TYW1B: variants seen among roughly 807,000 people sequenced by gnomAD.
TYW1B encodes the protein S-adenosyl-L-methionine-dependent tRNA 4-demethylwyosine synthase TYW1B.
Under a neutral mutation model 86.9 loss-of-function variants are expected in TYW1B, and 73 were observed. The ratio of observed to expected loss-of-function variants is 0.84; its 90% CI spans 0.70 to 1.02. The LOEUF is 1.02. Among genes scored for constraint, TYW1B ranks in the 50% least tolerant of loss-of-function variants. The pLI, the probability that TYW1B is intolerant of heterozygous loss-of-function variation, is 0.00. For missense variants in TYW1B, 637 were observed against 827.4 expected (o/e 0.77, Z 2.82); for synonymous variants, 248 against 292.8 (o/e 0.85, Z 1.56).
chr7:72,594,281 AAG>A (rs1338752241), intron 13 of TYW1B, among the ~76,000 whole-genome samples: 2 of 152,074 alleles, frequency 1.3e-5, no homozygotes, highest in Non-Finnish European at 2.9e-5. Flanking sequence ...AATTTTTAAA[AAG>A]AGAGAAATAA....
At chr7:72,664,026 C>T (rs1554444870) in intron 11 of TYW1B, among the ~76,000 whole-genome samples, 4 of 152,116 alleles carry the variant, frequency 2.6e-5, no homozygotes, top group East Asian at 3.9e-4. Flanking sequence ...TTTCTACCTA[C>T]GTGTCCATGT....
chr7:72,661,160 G>T lies in TYW1B; in HGVS notation c.1507-32163C>A, dbSNP rs527854684. ...CAAAAAAAAAAAAGAAGAAGAAGAAGAATATAATGGGAGGAAAAGAATCAG... is the reference window on the plus strand; with the variant it reads ...CAAAAAAAAAAAAGAAGAAGAAGAATAATATAATGGGAGGAAAAGAATCAG... On this transcript the variant is annotated intron_variant, in intron 11 of 13. Coordinates refer to ENST00000620995, the MANE Select transcript of TYW1B (RefSeq NM_001145440.3). Among the ~76,000 whole-genome samples the T allele has an allele frequency of 7.0e-4, 101 of 143,432 alleles. 1 individual carries two copies. The South Asian group carries it at 0.02, about 29-fold the overall frequency. The allele number at this position is 143,432 out of a possible 152,430, so 94.1% of individuals were successfully genotyped here. A position where few individuals can be genotyped will look rare whatever the true frequency, so the allele number is the denominator to read the frequency against.
chr7:72,634,577 C>T (rs1344334073), intron 11 of TYW1B, among the ~76,000 whole-genome samples: 1 of 150,372 alleles, frequency 6.7e-6, no homozygotes, highest in Non-Finnish European at 1.5e-5. Flanking sequence ...TGTATACATT[C>T]GACCTTAGCA....
chr7:72,724,857 G>A (rs34829967), intron 9 of TYW1B, among the ~76,000 whole-genome samples: 15 of 152,246 alleles, frequency 9.9e-5, no homozygotes, highest in African/African-American at 2.9e-4. Context: ...CATTCCTTCC[G>A]TCTTATGCAT....
intron 13 of TYW1B, among the ~76,000 whole-genome samples, chr7:72,593,819 C>CT (rs1381136312): frequency 1.1e-4 from 6 of 55,672 alleles, no homozygotes; most frequent in East Asian, 5.9e-4. Context: ...CAGACTCCAT[C>CT]TAAAAAAAAA....
At position 72,606,304 on chromosome 7, in the gene TYW1B, A is replaced by G. The variant is rs1388178933; in HGVS notation, c.1785+10368T>C. Among the ~76,000 whole-genome samples, 3 of 152,194 alleles carry G rather than the reference A, an allele frequency of 2.0e-5. No individual in the cohort carries two copies. In the East Asian group the frequency reaches 5.8e-4, roughly 29 times the overall value. On this transcript the variant is annotated intron_variant, in intron 13 of 13. Coordinates refer to ENST00000620995, the MANE Select transcript of TYW1B (RefSeq NM_001145440.3). ...GACAATAACCAACCTAGGCCATGAG[A>G]AAAACGGGCCTCATTCCCATCCGGT...
At chr7:72,593,102 A>AGACCAGCCTGACCAT (rs1554431812) in intron 13 of TYW1B, among the ~76,000 whole-genome samples, 3 of 151,594 alleles carry the variant, frequency 2.0e-5, no homozygotes, top group Non-Finnish European at 4.4e-5. Context: ...CCCGAGTTCA[A>AGACCAGCCTGACCAT]GACCAGCCTG....
chr7:72,717,694 CTCTT>C (rs1203913902), intron 9 of TYW1B, among the ~76,000 whole-genome samples: 4 of 152,040 alleles, frequency 2.6e-5, no homozygotes, highest in Admixed American at 2.0e-4. Context: ...TTCTCTCTCT[CTCTT>C]CCTCCTACAC....
chr7:72,827,240 T>C lies in TYW1B; in HGVS notation c.5-255A>G, dbSNP rs1460045266. Among the ~76,000 whole-genome samples, 25 of 152,086 alleles carry C rather than the reference T, an allele frequency of 1.6e-4. No individual in the cohort carries two copies. The East Asian group carries it at 2.1e-3, about 13-fold the overall frequency. Reference sequence around the variant, plus strand: ...CTGGCCAACATGGTGAAACCCCGCCTCTACTAAAAATACAAAAATTAGCCG... The same window carrying C: ...CTGGCCAACATGGTGAAACCCCGCCCCTACTAAAAATACAAAAATTAGCCG... On this transcript the variant is annotated intron_variant, in intron 1 of 13. Coordinates refer to ENST00000620995, the MANE Select transcript of TYW1B (RefSeq NM_001145440.3).
rs1254381342 is a variant in TYW1B, at chr7:72,810,439, G to A, written c.432+32C>T. On this transcript the variant is annotated intron_variant, in intron 4 of 13. Coordinates refer to ENST00000620995, the MANE Select transcript of TYW1B (RefSeq NM_001145440.3). ...GCGTGTGTGTGTGTGTTTATGGGGA[G>A]AATTTATTCCTATAATTCAATATAG... 8 of 1,580,760 alleles carry A rather than the reference G, an allele frequency of 5.1e-6. No homozygotes were observed. The African/African-American group carries it at 1.1e-4, about 21-fold the overall frequency.
chr7:72,769,113 G>T, intron 7 of TYW1B: 1 of 401,132 alleles, frequency 2.5e-6, no homozygotes, highest in Non-Finnish European at 4.5e-6. Flanking sequence ...AGTTTGGCAT[G>T]GTAAGCGAGG....
intron 11 of TYW1B, among the ~76,000 whole-genome samples, chr7:72,663,761 C>CAA (rs1177247717): frequency 0.031 from 1,742 of 56,986 alleles, 114 homozygotes; most frequent in African/African-American, 0.063. Context: ...GACTCCATCT[C>CAA]AAAAAAAAAA....
In TYW1B at chr7:72,802,567, G is replaced by T. The variant is rs375921221; in HGVS notation, c.724-45C>A. 5.5e-5 allele frequency: 89 copies of T among 1,605,414 alleles called. No homozygotes were observed. The African/African-American group carries it at 1.0e-3, about 19-fold the overall frequency. On this transcript the variant is annotated intron_variant, in intron 5 of 13. Coordinates refer to ENST00000620995, the MANE Select transcript of TYW1B (RefSeq NM_001145440.3). ...GAAATACATTGTTCAAAGGGGCAAA[G>T]GCAAAGTTCTCTCACCCTCCCTCCC...
intron 9 of TYW1B, among the ~76,000 whole-genome samples, chr7:72,718,717 T>C (rs1450721067): frequency 6.6e-6 from 1 of 152,264 alleles, no homozygotes; most frequent in East Asian, 1.9e-4. Context: ...GCTCATTCTA[T>C]GTTGCCAAGA....
chr7:72,824,646 C>G (rs1788896166), intron 2 of TYW1B, among the ~76,000 whole-genome samples: 1 of 152,018 alleles, frequency 6.6e-6, no homozygotes, highest in Non-Finnish European at 1.5e-5. Flanking sequence ...GAGGCTGAGG[C>G]AGGAGAATTG....
At chr7:72,733,382 G>A (rs67213520) in intron 8 of TYW1B, among the ~76,000 whole-genome samples, 105,789 of 152,126 alleles carry the variant, frequency 0.7, 37,639 homozygotes, top group Non-Finnish European at 0.77. Context: ...ATCCTTGGCC[G>A]GGCGCGGTGG....
chr7:72,601,998 A>G (rs1554433862), intron 13 of TYW1B, among the ~76,000 whole-genome samples: 1 of 152,196 alleles, frequency 6.6e-6, no homozygotes, highest in African/African-American at 2.4e-5. Flanking sequence ...GCACTTGTCA[A>G]AATCTATAGC....
intron 6 of TYW1B, among the ~76,000 whole-genome samples, chr7:72,786,835 A>C (rs1397971907): frequency 6.6e-6 from 1 of 152,052 alleles, no homozygotes; most frequent in Non-Finnish European, 1.5e-5. Flanking sequence ...TAGGCTTCCC[A>C]AAGTGCTGGG....
intron 6 of TYW1B, among the ~76,000 whole-genome samples, chr7:72,778,199 A>T (rs1221211293): frequency 6.6e-6 from 1 of 152,174 alleles, no homozygotes; most frequent in Non-Finnish European, 1.5e-5. Flanking sequence ...TCTGAATTTC[A>T]ATTTCCTCAC....
Sources: allele counts gnomAD v4.1 joint callset (sites outside exome capture counted in the v4.1 genomes callset), GRCh38; gene constraint gnomAD v4.1.1; transcripts MANE v1.5; gene names NCBI Gene and HGNC (gene_info 2026-07-23, HGNC 2026-07-21).